COG6: variants seen among roughly 807,000 people sequenced by gnomAD.
COG6 encodes the protein component of oligomeric golgi complex 6, also known as conserved oligomeric Golgi complex subunit 6.
COG6 carries 74 observed loss-of-function variants against 88.8 expected under a neutral mutation model. That is an observed-to-expected ratio of 0.83 (90% CI 0.69 to 1.01). The LOEUF is 1.01. COG6 is among the 50% of genes least tolerant of loss of function. The pLI is 0.00. For missense variants in COG6, 800 were observed against 797.9 expected, an observed-to-expected ratio of 1.00 and a Z score of -0.03; for synonymous variants, 286 against 278.7, an observed-to-expected ratio of 1.03 and a Z score of -0.26.
intron 18 of COG6, among the ~76,000 whole-genome samples, chr13:39,786,277 C>A (rs914154681): frequency 2.0e-5 from 3 of 152,194 alleles, no homozygotes; most frequent in Non-Finnish European, 4.4e-5. Flanking sequence ...GTCCAGACCT[C>A]TGCGGCAGCA....
chr13:39,731,491 T>G (rs1879451439), intron 18 of COG6, among the ~76,000 whole-genome samples: 1 of 152,220 alleles, frequency 6.6e-6, no homozygotes, highest in Non-Finnish European at 1.5e-5. Flanking sequence ...AAAATAGAGT[T>G]TGGACTACAG....
intron 18 of COG6, chr13:39,788,294 C>A: frequency 6.5e-7 from 1 of 1,550,174 alleles, no homozygotes; most frequent in African/African-American, 1.4e-5. Flanking sequence ...GAAACTGCAC[C>A]ATCAGCAACA....
At chr13:39,669,775 C>T (rs1875507573) in intron 4 of COG6, among the ~76,000 whole-genome samples, 1 of 151,982 alleles carries the variant, frequency 6.6e-6, no homozygotes, top group South Asian at 2.1e-4. Context: ...TTTAGTAAGC[C>T]TGTGGAAGTG....
intron 18 of COG6, among the ~76,000 whole-genome samples, chr13:39,760,780 G>A (rs957526588): frequency 5.9e-5 from 9 of 151,936 alleles, no homozygotes; most frequent in Admixed American, 2.0e-4. Flanking sequence ...GATAATGGTG[G>A]GGGAAGGCTA....
intron 18 of COG6, among the ~76,000 whole-genome samples, chr13:39,748,706 A>C (rs1880467922): frequency 6.6e-6 from 1 of 152,172 alleles, no homozygotes; most frequent in African/African-American, 2.4e-5. Flanking sequence ...TTCAGCAGAA[A>C]GGTAGTACAA....
At chr13:39,787,769 C>G (rs896020738) in intron 18 of COG6, among the ~76,000 whole-genome samples, 1 of 152,058 alleles carries the variant, frequency 6.6e-6, no homozygotes, top group African/African-American at 2.4e-5. Context: ...TAAAATACAG[C>G]ATAACAACTA....
chr13:39,706,255 T>TTATATATATATATATATATATA (rs71298976), intron 13 of COG6, among the ~76,000 whole-genome samples: 12 of 114,658 alleles, frequency 1.0e-4, no homozygotes, highest in African/African-American at 1.9e-4. Context: ...ATATACTCCT[T>TTATATATATATATATATATATA]TATATATATA....
rs115847988 is a variant in COG6, at chr13:39,675,198, T to C, written c.429-2270T>C. Among the ~76,000 whole-genome samples, 708 of 152,312 alleles carry C rather than the reference T, an allele frequency of 4.6e-3. 6 individuals carry two copies. The highest frequency in any genetic ancestry group is 0.016 in the African/African-American group (655 of 41,584). On this transcript the variant is annotated intron_variant, in intron 4 of 18. Coordinates refer to ENST00000455146, the MANE Select transcript of COG6 (RefSeq NM_020751.3). ...ATATTTATCTCCTATACTTTTTACT[T>C]AGACATTGAAAGCCCTCTAAAAGTT... is the stretch of plus-strand genomic sequence containing the variant.
chr13:39,725,015 T>G (rs917798484), intron 17 of COG6, among the ~76,000 whole-genome samples: 2 of 151,926 alleles, frequency 1.3e-5, no homozygotes, highest in Non-Finnish European at 2.9e-5. Context: ...TTTATTACCT[T>G]CCTTCTTTTC....
intron 3 of COG6, 146 bp from the exon 4 acceptor site, chr13:39,664,950 T>G: frequency 1.6e-6 from 1 of 614,736 alleles, no homozygotes; most frequent in Non-Finnish European, 2.9e-6. Context: ...CCTTGAAACA[T>G]CTACGTATTT....
intron 4 of COG6, among the ~76,000 whole-genome samples, chr13:39,674,312 A>G (rs921418431): frequency 6.7e-6 from 1 of 150,210 alleles, no homozygotes; most frequent in East Asian, 2.0e-4. Flanking sequence ...TGCCATTTAT[A>G]TTTCTTTACT....
chr13:39,710,007 T>C (rs1878151282), intron 13 of COG6, among the ~76,000 whole-genome samples: 1 of 152,194 alleles, frequency 6.6e-6, no homozygotes, highest in African/African-American at 2.4e-5. Flanking sequence ...ATTGATTTCA[T>C]TTTATTTAGA....
At chr13:39,773,409 T>A (rs1187791024) in intron 18 of COG6, among the ~76,000 whole-genome samples, 1 of 152,224 alleles carries the variant, frequency 6.6e-6, no homozygotes, top group Non-Finnish European at 1.5e-5. Context: ...TTATGCCATT[T>A]TTACATTTTT....
At chr13:39,774,700 G>A (rs1442533593) in intron 18 of COG6, among the ~76,000 whole-genome samples, 3 of 151,582 alleles carry the variant, frequency 2.0e-5, no homozygotes, top group Admixed American at 6.6e-5. Context: ...TCAGCCTCCC[G>A]AGTAGCTAGG....
At chr13:39,702,468 ATATAC>A (rs1266998489) in intron 13 of COG6, among the ~76,000 whole-genome samples, 2 of 152,032 alleles carry the variant, frequency 1.3e-5, no homozygotes, top group Non-Finnish European at 2.9e-5. Flanking sequence ...GTGTTAGGAA[ATATAC>A]TAAATGAGTA....
intron 4 of COG6, among the ~76,000 whole-genome samples, chr13:39,675,694 A>G (rs1875926686): frequency 6.6e-6 from 1 of 152,158 alleles, no homozygotes; most frequent in Non-Finnish European, 1.5e-5. Context: ...TTACAACAAA[A>G]TGAAACTATA....
At chr13:39,671,508 T>C (rs1185803151) in intron 4 of COG6, among the ~76,000 whole-genome samples, 1 of 151,922 alleles carries the variant, frequency 6.6e-6, no homozygotes, top group Non-Finnish European at 1.5e-5. Context: ...TCTATATTCT[T>C]ATTCATTCTA....
intron 18 of COG6, among the ~76,000 whole-genome samples, chr13:39,765,952 T>G (rs1881150927): frequency 6.6e-6 from 1 of 152,222 alleles, no homozygotes; most frequent in Admixed American, 6.5e-5. Flanking sequence ...CAAGTGCCTG[T>G]AGGGAGGGTT....
At chr13:39,762,779 T>C (rs984470208) in intron 18 of COG6, among the ~76,000 whole-genome samples, 1 of 148,622 alleles carries the variant, frequency 6.7e-6, no homozygotes, top group African/African-American at 2.5e-5. Flanking sequence ...TTTTTTTTTC[T>C]TTGAAGCCTA....
Sources: allele counts gnomAD v4.1 joint callset (sites outside exome capture counted in the v4.1 genomes callset), GRCh38; gene constraint gnomAD v4.1.1; transcripts MANE v1.5; gene names NCBI Gene and HGNC (gene_info 2026-07-23, HGNC 2026-07-21).